ADAMTS6: variants seen among roughly 807,000 people sequenced by gnomAD.
ADAMTS6 encodes ADAM metallopeptidase with thrombospondin type 1 motif 6.
In ADAMTS6, 23 loss-of-function variants were observed where a neutral mutation model predicts 144.3. The observed-to-expected ratio is 0.16, with a 90% CI of 0.11 to 0.23. The LOEUF (loss-of-function observed/expected upper bound fraction) is 0.23. Ranked by LOEUF, ADAMTS6 falls within the 10% of genes least tolerant of loss-of-function variation. The pLI, the probability that ADAMTS6 is intolerant of heterozygous loss-of-function variation, is 1.00. For synonymous variants in ADAMTS6, 444 were observed against 457.5 expected (o/e 0.97, Z 0.38); for missense variants, 999 against 1,379.6 (o/e 0.72, Z 4.37).
chr5:65,345,146 A>G (rs74488865), intron 7 of ADAMTS6, among the ~76,000 whole-genome samples: 5,443 of 151,896 alleles, frequency 0.036, 164 homozygotes, highest in African/African-American at 0.083. Flanking sequence ...TTATAGAGTT[A>G]AAGCCCTCTA....
intron 22 of ADAMTS6, among the ~76,000 whole-genome samples, chr5:65,174,494 G>A (rs536814785): frequency 5.9e-5 from 9 of 152,280 alleles, no homozygotes; most frequent in African/African-American, 1.9e-4. Context: ...GCAGGCCCCC[G>A]TGGACGATCA....
chr5:65,480,570 T>C (rs1761134059), intron 1 of ADAMTS6, among the ~76,000 whole-genome samples: 1 of 152,176 alleles, frequency 6.6e-6, no homozygotes, highest in Admixed American at 6.5e-5. Flanking sequence ...CTCGCTCACT[T>C]TTCCTCTAGT....
At chr5:65,170,432 A>C (rs1753545150) in intron 24 of ADAMTS6, among the ~76,000 whole-genome samples, 185 bp downstream of exon 24, 1 of 152,236 alleles carries the variant, frequency 6.6e-6, no homozygotes, top group Admixed American at 6.5e-5. Context: ...TAACAAGGTC[A>C]TAAAGTTACT....
At chr5:65,471,775 G>GAAAAAC (rs1448937969) in intron 2 of ADAMTS6, among the ~76,000 whole-genome samples, 45 of 151,064 alleles carry the variant, frequency 3.0e-4, no homozygotes, top group Non-Finnish European at 6.5e-4. Context: ...AAAACAAAAC[G>GAAAAAC]AAAAACAAAA....
At chr5:65,414,573 AG>A (rs1332624756) in intron 7 of ADAMTS6, among the ~76,000 whole-genome samples, 2 of 152,198 alleles carry the variant, frequency 1.3e-5, no homozygotes, top group African/African-American at 4.8e-5. Context: ...TGCTGTAAGA[AG>A]GATATATATA....
intron 14 of ADAMTS6, among the ~76,000 whole-genome samples, chr5:65,248,920 CATAAATATATATACA>C (rs1267682012): frequency 6.6e-6 from 1 of 151,834 alleles, no homozygotes. Context: ...TACAATATAC[CATAAATATATATACA>C]ATACATCATA....
chr5:65,293,349 G>A (rs1002564655), intron 10 of ADAMTS6, among the ~76,000 whole-genome samples: 2 of 152,020 alleles, frequency 1.3e-5, no homozygotes, highest in Non-Finnish European at 2.9e-5. Flanking sequence ...ATTGTGTACT[G>A]AAGTAGGTAT....
chr5:65,204,719 C>T (rs1755968542), intron 20 of ADAMTS6, among the ~76,000 whole-genome samples: 2 of 152,118 alleles, frequency 1.3e-5, no homozygotes, highest in Non-Finnish European at 2.9e-5. Context: ...TTCCTAAACT[C>T]AAGTCATTTT....
intron 10 of ADAMTS6, among the ~76,000 whole-genome samples, chr5:65,297,696 C>T (rs931089121): frequency 6.6e-6 from 1 of 152,164 alleles, no homozygotes; most frequent in Non-Finnish European, 1.5e-5. Context: ...AAGAAAGTTA[C>T]TGTTATGTCT....
At chr5:65,182,907 T>G (rs1279241839) in intron 22 of ADAMTS6, among the ~76,000 whole-genome samples, 1 of 152,184 alleles carries the variant, frequency 6.6e-6, no homozygotes, top group Non-Finnish European at 1.5e-5. Flanking sequence ...GACTGAAAAC[T>G]ACATTGCTGT....
At chr5:65,154,272 G>C (rs1293915206) in intron 24 of ADAMTS6, among the ~76,000 whole-genome samples, 1 of 152,152 alleles carries the variant, frequency 6.6e-6, no homozygotes, top group Non-Finnish European at 1.5e-5. Flanking sequence ...CCTTAGATGA[G>C]TGCTAGAAAT....
chr5:65,352,465 C>T (rs1017880665), intron 7 of ADAMTS6, among the ~76,000 whole-genome samples: 21 of 151,892 alleles, frequency 1.4e-4, no homozygotes, highest in Admixed American at 3.3e-4. Context: ...TGGGAAGGGA[C>T]GGGGTAAGAA....
chr5:65,456,133 T>C (rs1045627771), intron 4 of ADAMTS6, among the ~76,000 whole-genome samples: 1 of 152,048 alleles, frequency 6.6e-6, no homozygotes, highest in African/African-American at 2.4e-5. Flanking sequence ...TAGCTCATTA[T>C]AAAACTATAC....
At position 65,151,834 on chromosome 5, in the gene ADAMTS6, G is replaced by C. The variant is rs1457449217; in HGVS notation, c.*2C>G. The C allele has an allele frequency of 6.2e-7, 1 of 1,607,658 alleles. No individual in the cohort carries two copies. Among genetic ancestry groups the C allele is most frequent in the Non-Finnish European group, 8.5e-7 (1 of 1,174,906 alleles). ...AAGGCACTCTCTCTGGCTTTCTGTG[G>C]GTCAGTGTCCTTGGCAGGTCTTACA... On this transcript the variant is annotated 3_prime_UTR_variant, in exon 25 of 25. Coordinates refer to ENST00000381055, the MANE Select transcript of ADAMTS6 (RefSeq NM_197941.4).
At chr5:65,471,188 G>C (rs762977071) in intron 2 of ADAMTS6, 46 bp from the exon 3 acceptor site, 5 of 1,537,282 alleles carry the variant, frequency 3.3e-6, no homozygotes. Flanking sequence ...ACACATGGAA[G>C]AAAAGAAAAT....
At chr5:65,199,840 G>C (rs183694068) in intron 20 of ADAMTS6, among the ~76,000 whole-genome samples, 4 of 152,208 alleles carry the variant, frequency 2.6e-5, no homozygotes, top group Admixed American at 2.6e-4. Flanking sequence ...TAAGAATTAT[G>C]AATTGACTTA....
At chr5:65,334,878 A>G (rs1747153810) in intron 7 of ADAMTS6, among the ~76,000 whole-genome samples, 1 of 152,164 alleles carries the variant, frequency 6.6e-6, no homozygotes, top group Non-Finnish European at 1.5e-5. Context: ...CATTTTTAAA[A>G]CCAAAAGTAT....
At chr5:65,435,773 G>A (rs1352399108) in intron 7 of ADAMTS6, among the ~76,000 whole-genome samples, 1 of 151,662 alleles carries the variant, frequency 6.6e-6, no homozygotes, top group East Asian at 1.9e-4. Context: ...TTACAGGCAC[G>A]TGCCATCACC....
chr5:65,386,338 C>G (rs1361798941), intron 7 of ADAMTS6, among the ~76,000 whole-genome samples: 1 of 151,870 alleles, frequency 6.6e-6, no homozygotes, highest in East Asian at 1.9e-4. Context: ...TTAAGTTGCA[C>G]CTGATTTTTA....
Sources: allele counts gnomAD v4.1 joint callset (sites outside exome capture counted in the v4.1 genomes callset), GRCh38; gene constraint gnomAD v4.1.1; transcripts MANE v1.5; gene names NCBI Gene and HGNC (gene_info 2026-07-23, HGNC 2026-07-21).